SPTBN1: variants seen among roughly 807,000 people sequenced by gnomAD.
SPTBN1 encodes spectrin beta chain, non-erythrocytic 1.
In SPTBN1, 32 loss-of-function variants were observed where a neutral mutation model predicts 266.4. That is an observed-to-expected ratio of 0.12 (90% confidence interval 0.09 to 0.16). SPTBN1 has a LOEUF of 0.16. Ranked by LOEUF, SPTBN1 falls within the 10% of genes least tolerant of loss-of-function variation. The probability of loss-of-function intolerance (pLI) is 1.00; values close to 1 mark genes in which losing one functional copy is unlikely to be tolerated. For missense variants in SPTBN1, 2,296 were observed against 3,067.1 expected (o/e 0.75, Z 5.94); for synonymous variants, 1,336 against 1,162.2 (o/e 1.15, Z -3.04).
chr2:54,532,511 T>C (rs1280276123), intron 2 of SPTBN1, among the ~76,000 whole-genome samples: 2 of 152,246 alleles, frequency 1.3e-5, no homozygotes, highest in East Asian at 1.9e-4. Context: ...TAAAGTGGAA[T>C]GTGGAGTGAA....
chr2:54,570,662 A>G (rs1302891448), intron 2 of SPTBN1, among the ~76,000 whole-genome samples: 1 of 152,204 alleles, frequency 6.6e-6, no homozygotes, highest in South Asian at 2.1e-4. Context: ...AACCATAGAC[A>G]TGATTTTGGT....
At chr2:54,548,845 G>A (rs1672399773) in intron 2 of SPTBN1, among the ~76,000 whole-genome samples, 1 of 152,130 alleles carries the variant, frequency 6.6e-6, no homozygotes, top group Non-Finnish European at 1.5e-5. Context: ...ATGCATGAGG[G>A]GGTGTTACCT....
chr2:54,617,285 A>G (rs2941595), intron 5 of SPTBN1, among the ~76,000 whole-genome samples: 121,586 of 152,182 alleles, frequency 0.8, 49,256 homozygotes, highest in African/African-American at 0.94. Context: ...TAGAAAGCCA[A>G]TGGAAGCAGA....
Position 54,665,797 on chromosome 2 carries a change from G to C in SPTBN1, c.6660-118G>C, listed in dbSNP as rs1681327179. 3 of 1,186,706 alleles carry C rather than the reference G, an allele frequency of 2.5e-6. No individual in the cohort carries two copies. In the Admixed American group the frequency reaches 7.4e-5, roughly 29 times the overall value. The allele number at this position is 1,186,706 out of a possible 1,614,324, so 73.5% of individuals were successfully genotyped here. A position where few individuals can be genotyped will look rare whatever the true frequency, so the allele number is the denominator to read the frequency against. On this transcript the variant is annotated intron_variant, in intron 33 of 35. Coordinates refer to ENST00000356805, the MANE Select transcript of SPTBN1 (RefSeq NM_003128.3). ...CTTGTAATAAGGAAGGTTGAGGGTTGGGTGGGGTCACACTGTGTTGTGTGA... is the reference window on the plus strand; with the variant it reads ...CTTGTAATAAGGAAGGTTGAGGGTTCGGTGGGGTCACACTGTGTTGTGTGA...
chr2:54,493,597 T>C (rs548741076), intron 1 of SPTBN1, among the ~76,000 whole-genome samples: 2 of 152,228 alleles, frequency 1.3e-5, no homozygotes, highest in East Asian at 3.9e-4. Flanking sequence ...AGACAAGGTT[T>C]TGACATGTTG....
intron 3 of SPTBN1, among the ~76,000 whole-genome samples, chr2:54,604,037 T>TG (rs1363379377): frequency 6.6e-6 from 1 of 152,120 alleles, no homozygotes; most frequent in African/African-American, 2.4e-5. Context: ...TCCCCTCACT[T>TG]GGTAGATATG....
intron 2 of SPTBN1, among the ~76,000 whole-genome samples, chr2:54,534,866 C>T (rs1474599868): frequency 1.3e-5 from 2 of 152,168 alleles, no homozygotes; most frequent in African/African-American, 2.4e-5. Context: ...CCTGGCCCAG[C>T]CCCTATTCCT....
chr2:54,654,703 C>T (rs1680534111), intron 27 of SPTBN1, among the ~76,000 whole-genome samples: 2 of 152,180 alleles, frequency 1.3e-5, no homozygotes, highest in Non-Finnish European at 2.9e-5. Flanking sequence ...ATTGCGGCAC[C>T]TCTTGCTGCT....
intron 7 of SPTBN1, among the ~76,000 whole-genome samples, chr2:54,619,897 A>G (rs1287019933): frequency 2.6e-5 from 4 of 152,180 alleles, no homozygotes; most frequent in Admixed American, 1.3e-4. Flanking sequence ...TTAAATTAAG[A>G]GAAACAATTT....
chr2:54,671,145 T>C lies in SPTBN1; in HGVS notation c.*2576T>C. On this transcript the variant is annotated 3_prime_UTR_variant, in exon 36 of 36. Transcript: ENST00000356805. ...TAGGATATGAAATGGCGTTGTCACT[T>C]GAATCAAGGCCACTTTTTGTCCTAC... 1 of 204,980 alleles carries C rather than the reference T, an allele frequency of 4.9e-6. No individual in the cohort carries two copies. Among genetic ancestry groups the C allele is most frequent in the Non-Finnish European group, 9.7e-6 (1 of 103,150 alleles). The allele number at this position is 204,980 out of a possible 1,614,324, so 12.7% of individuals were successfully genotyped here.
chr2:54,517,014 TGGAGACCTA>T (rs1387981688), intron 1 of SPTBN1, among the ~76,000 whole-genome samples: 1 of 152,226 alleles, frequency 6.6e-6, no homozygotes, highest in African/African-American at 2.4e-5. Flanking sequence ...TAAGGGGTTG[TGGAGACCTA>T]GGTTTTATCA....
At chr2:54,582,651 C>G (rs974773145) in intron 2 of SPTBN1, among the ~76,000 whole-genome samples, 1 of 151,600 alleles carries the variant, frequency 6.6e-6, no homozygotes, top group Non-Finnish European at 1.5e-5. Context: ...TCGGAATTAT[C>G]AGGAATTAAG....
chr2:54,527,249 C>G (rs1360060892), intron 2 of SPTBN1: 8 of 152,202 alleles, frequency 5.3e-5, no homozygotes, highest in African/African-American at 1.9e-4. Flanking sequence ...AACCAAGTAT[C>G]AAAACCGAGT....
chr2:54,640,966 T>G (rs1025428827), intron 18 of SPTBN1, among the ~76,000 whole-genome samples: 1 of 152,244 alleles, frequency 6.6e-6, no homozygotes, highest in Non-Finnish European at 1.5e-5. Flanking sequence ...TGATTTTTAT[T>G]TTTCCAGGAA....
At chr2:54,564,714 T>C (rs551118034) in intron 2 of SPTBN1, among the ~76,000 whole-genome samples, 1 of 152,346 alleles carries the variant, frequency 6.6e-6, no homozygotes, top group South Asian at 2.1e-4. Context: ...ATGCCACTTA[T>C]TCTAGGCATT....
chr2:54,646,002 A>T lies in SPTBN1; in HGVS notation c.4569A>T (p.Leu1523Phe). The change falls in exon 22 of 36, where the codon TTA becomes TTT. Residue 1523 changes from leucine (L) to phenylalanine (F), a missense_variant. Leu to Phe is a conservative substitution (Grantham distance 22). Around this residue, in one of 12 missense-constraint regions of SPTBN1, gnomAD observed 644 missense variants for 745.3 expected, o/e 0.86. Transcript: ENST00000356805. This position sits in a 1 kb window ranked among gnomAD's most constrained non-coding sequence, Gnocchi z 4.4. Reference protein sequence around the residue: ...HGHNLQTVQLLIKKNQTLQKE... With the variant: ...HGHNLQTVQLFIKKNQTLQKE... ...ACAACCTCCAGACTGTGCAGCTGTT[A>T]ATAAAGAAAAATCAGGTAAGCCTTT... The T allele has an allele frequency of 6.2e-7, 1 of 1,614,222 alleles. No homozygotes were observed.
chr2:54,548,119 G>A (rs905211372), intron 2 of SPTBN1, among the ~76,000 whole-genome samples: 1 of 152,170 alleles, frequency 6.6e-6, no homozygotes, highest in Non-Finnish European at 1.5e-5. Context: ...CTCCAGCCAG[G>A]GCAACAGAGC....
chr2:54,605,131 G>A (rs367615102), intron 3 of SPTBN1, among the ~76,000 whole-genome samples: 1 of 152,162 alleles, frequency 6.6e-6, no homozygotes, highest in African/African-American at 2.4e-5. Flanking sequence ...ACTGCTGAGA[G>A]GCGCCCCCTC....
chr2:54,605,169 A>C (rs568289610), intron 3 of SPTBN1, among the ~76,000 whole-genome samples: 1 of 152,226 alleles, frequency 6.6e-6, no homozygotes, highest in East Asian at 1.9e-4. Flanking sequence ...TTAATTCTCT[A>C]TTGTTACCTC....
Sources: gnomAD v4.1 joint callset for allele counts (sites outside exome capture counted in the v4.1 genomes callset) on GRCh38, gnomAD v4.1.1 for gene constraint, gnomAD v4.1.1 regional missense constraint, Gnocchi (gnomAD v3.1) non-coding constraint, MANE v1.5 for transcripts, NCBI Gene and HGNC (gene_info 2026-07-23, HGNC 2026-07-21) for gene names.